The following NEURL1 variants were observed in gnomAD, a reference collection of about 807,000 sequenced individuals.
The protein encoded by NEURL1 is neuralized E3 ubiquitin protein ligase 1, also known as E3 ubiquitin-protein ligase NEURL1.
NEURL1 carries 26 observed loss-of-function variants against 41.2 expected under a neutral mutation model. That is an observed-to-expected ratio of 0.63 (90% CI 0.46 to 0.87). The LOEUF (loss-of-function observed/expected upper bound fraction) is 0.87, where lower values mean the gene tolerates loss of function less well. NEURL1 is among the 40% of genes least tolerant of loss of function. The pLI, the probability that NEURL1 is intolerant of heterozygous loss-of-function variation, is 0.00. For missense variants in NEURL1, 761 were observed against 871.1 expected (o/e 0.87, Z 1.59); for synonymous variants, 400 against 402.3 (o/e 0.99, Z 0.07).
At chr10:103,561,495 C>T (rs2035291733) in intron 1 of NEURL1, among the ~76,000 whole-genome samples, 1 of 152,170 alleles carries the variant, frequency 6.6e-6, no homozygotes, top group African/African-American at 2.4e-5. Context: ...ATCTCCTGAC[C>T]TCAGGTGATC....
intron 1 of NEURL1, among the ~76,000 whole-genome samples, chr10:103,525,605 C>T (rs966220466): frequency 6.6e-6 from 1 of 152,092 alleles, no homozygotes; most frequent in African/African-American, 2.4e-5. Flanking sequence ...CCACCAGCCT[C>T]CTCCTCCCAA....
At chr10:103,523,236 C>T (rs1025213508) in intron 1 of NEURL1, among the ~76,000 whole-genome samples, 1 of 152,010 alleles carries the variant, frequency 6.6e-6, no homozygotes, top group Admixed American at 6.6e-5. Context: ...AGGAGGATCG[C>T]TTGAGGCTAG....
intron 1 of NEURL1, among the ~76,000 whole-genome samples, chr10:103,525,632 G>A (rs560521074): frequency 6.6e-6 from 1 of 152,164 alleles, no homozygotes; most frequent in Non-Finnish European, 1.5e-5. Flanking sequence ...GGGATTACAG[G>A]TGTGAGCCAT....
chr10:103,562,291 G>A (rs1316126588), intron 1 of NEURL1, among the ~76,000 whole-genome samples: 2 of 152,196 alleles, frequency 1.3e-5, no homozygotes, highest in African/African-American at 4.8e-5. Context: ...GCCGAGGCAG[G>A]AGAATCACTT....
intron 1 of NEURL1, among the ~76,000 whole-genome samples, chr10:103,561,613 G>A (rs796401825): frequency 4.3e-4 from 65 of 152,284 alleles, no homozygotes; most frequent in African/African-American, 1.4e-3. Context: ...CCCAACCCAC[G>A]CTTAAGGGGA....
intron 1 of NEURL1, among the ~76,000 whole-genome samples, chr10:103,505,287 G>C (rs1248526709): frequency 2.7e-5 from 4 of 150,116 alleles, no homozygotes; most frequent in African/African-American, 9.8e-5. Context: ...GCACTGGTGC[G>C]ATCTCAGCTC....
intron 1 of NEURL1, among the ~76,000 whole-genome samples, chr10:103,498,309 G>C (rs1339979264): frequency 6.6e-6 from 1 of 152,148 alleles, no homozygotes; most frequent in Admixed American, 6.5e-5. Flanking sequence ...CTCACTGCAA[G>C]CTCCGCCTCC....
intron 1 of NEURL1, among the ~76,000 whole-genome samples, chr10:103,557,731 G>A (rs2035186854): frequency 6.6e-6 from 1 of 152,202 alleles, no homozygotes; most frequent in Non-Finnish European, 1.5e-5. Context: ...CGCCCTAGCT[G>A]CCCCAGCGGC....
chr10:103,566,982 C>CTT lies in NEURL1; in HGVS notation c.86-3877_86-3876dup, dbSNP rs796658971. The stretch of plus-strand genomic sequence containing the variant: ...GAAACTTTGTTTCTTTTCTTTCTTT[C>CTT]TTTTTTTTTTTTTTGTTTGAGACAG... On this transcript the variant is annotated intron_variant, in intron 1 of 5. Transcript: ENST00000369780. This position sits in a 1 kb window ranked among gnomAD's most constrained non-coding sequence, Gnocchi z 4.2. Among the ~76,000 whole-genome samples the CTT allele has an allele frequency of 2.1e-5, 3 of 142,496 alleles. No homozygotes were observed. Among genetic ancestry groups the CTT allele is most frequent in the South Asian group, 2.3e-4 (1 of 4,442 alleles). The allele number at this position is 142,496 out of a possible 152,430, so 93.5% of individuals were successfully genotyped here.
chr10:103,531,750 C>A (rs901467603), intron 1 of NEURL1, among the ~76,000 whole-genome samples: 4 of 151,986 alleles, frequency 2.6e-5, no homozygotes, highest in African/African-American at 9.7e-5. Flanking sequence ...GAACTTCTGG[C>A]CTCAAATAAC....
chr10:103,547,043 A>G (rs980210315), intron 1 of NEURL1, among the ~76,000 whole-genome samples: 4 of 152,210 alleles, frequency 2.6e-5, no homozygotes, highest in African/African-American at 9.6e-5. Context: ...AGCGCTTCCC[A>G]TGCACCCCAC....
chr10:103,503,536 C>T (rs3014208), intron 1 of NEURL1, among the ~76,000 whole-genome samples: 1 of 151,852 alleles, frequency 6.6e-6, no homozygotes, highest in Non-Finnish European at 1.5e-5. Flanking sequence ...CTGATGGGGA[C>T]GGTAAGAGGT....
chr10:103,584,705 C>A lies in NEURL1; in HGVS notation c.819C>A (p.Ile273=). The change falls in exon 4 of 6, where the codon ATC becomes ATA. Residue 273 remains isoleucine (I), a synonymous_variant. Transcript: ENST00000369780. The stretch of plus-strand genomic sequence containing the variant: ...CCGCGCCGGCCGCCGGCTGCCCCAT[C>A]CCGCAGAACTCACTCAACTCGCAGC... The part of the protein sequence containing the change: ...DEAAPAAGCP[I]PQNSLNSQHS... The A allele has an allele frequency of 6.9e-7, 1 of 1,455,460 alleles. No individual in the cohort carries two copies. Among genetic ancestry groups the A allele is most frequent in the Non-Finnish European group, 9.0e-7 (1 of 1,109,460 alleles). The allele number at this position is 1,455,460 out of a possible 1,614,324, so 90.2% of individuals were successfully genotyped here.
chr10:103,584,876 G>T lies in NEURL1; in HGVS notation c.990G>T (p.Arg330=), dbSNP rs1288270866. The T allele has an allele frequency of 1.4e-6, 2 of 1,424,870 alleles. No individual in the cohort carries two copies. Among genetic ancestry groups the T allele is most frequent in the East Asian group, 3.0e-5 (1 of 33,230 alleles). 88.3% of individuals were successfully genotyped at this position (1,424,870 alleles called of 1,614,324 possible). A position where few individuals can be genotyped will look rare whatever the true frequency, so the allele number is the denominator to read the frequency against. ...RDERALVFTS[R]PVRVAETIFV... is the part of the protein sequence containing the mutation. ...AGCGCGCGCTCGTCTTCACCAGCCG[G>T]CCCGTGCGCGTGGCCGAGACCATCT... Residue 330 remains arginine (R), a synonymous_variant, in exon 4 of 6, where the codon CGG becomes CGT. Coordinates refer to ENST00000369780, the MANE Select transcript of NEURL1 (RefSeq NM_004210.5).
Position 103,505,470 on chromosome 10 carries a change from C to T in NEURL1, c.85+10998C>T, listed in dbSNP as rs1409755468. ...GAACTCCTGACCTCAGGTGATCTGTCCACCTTGGCCTCCCAAAATGTTGGT... is the reference window on the plus strand; with the variant it reads ...GAACTCCTGACCTCAGGTGATCTGTTCACCTTGGCCTCCCAAAATGTTGGT... On this transcript the variant is annotated intron_variant, in intron 1 of 5. Transcript: ENST00000369780. Among the ~76,000 whole-genome samples the T allele has an allele frequency of 2.6e-5, 4 of 152,176 alleles. No individual in the cohort carries two copies. The East Asian group carries it at 7.7e-4, about 29-fold the overall frequency.
chr10:103,528,521 C>T (rs184214896), intron 1 of NEURL1, among the ~76,000 whole-genome samples: 5 of 142,630 alleles, frequency 3.5e-5, no homozygotes, highest in Admixed American at 7.2e-5. Context: ...GGCAATAGAG[C>T]GTGACTCCGT....
In NEURL1 at chr10:103,583,920, A is replaced by G. The variant is rs74320989; in HGVS notation, c.650-616A>G. 1.2e-4 allele frequency among the ~76,000 whole-genome samples: 19 copies of G among 152,160 alleles called. No individual in the cohort carries two copies. In the East Asian group the frequency reaches 3.7e-3, roughly 29 times the overall value. On this transcript the variant is annotated intron_variant, in intron 3 of 5. Coordinates refer to ENST00000369780, the MANE Select transcript of NEURL1 (RefSeq NM_004210.5). Reference sequence around the variant, plus strand: ...AACTTGTATGATTTAAAAAAGAACGATGAGTTTGATTCCCTGTTAAGCCAC... The same window carrying G: ...AACTTGTATGATTTAAAAAAGAACGGTGAGTTTGATTCCCTGTTAAGCCAC...
At chr10:103,494,599 C>G in intron 1 of NEURL1, 127 bp downstream of exon 1, 1 of 832,048 alleles carries the variant, frequency 1.2e-6, no homozygotes. Context: ...GCACCTCTGG[C>G]CGTGGAGTGG....
At position 103,537,402 on chromosome 10, in the gene NEURL1, C is replaced by CT. The variant is rs542412908; in HGVS notation, c.86-33468dup. 2.7e-3 allele frequency among the ~76,000 whole-genome samples: 411 copies of CT among 152,164 alleles called. 8 individuals are homozygous for CT. The highest frequency in any genetic ancestry group is 8.3e-4 in the South Asian group (4 of 4,816). On this transcript the variant is annotated intron_variant, in intron 1 of 5. Coordinates refer to ENST00000369780, the MANE Select transcript of NEURL1 (RefSeq NM_004210.5). ...TCCCCCTACTCCCTCCTCTCGCACT[C>CT]TTATATATATTTTTTGAGACAGGGT... is the stretch of plus-strand genomic sequence containing the variant.
Sources: allele counts gnomAD v4.1 joint callset (sites outside exome capture counted in the v4.1 genomes callset), GRCh38; gene constraint gnomAD v4.1.1; non-coding constraint Gnocchi (gnomAD v3.1); transcripts MANE v1.5; gene names NCBI Gene and HGNC (gene_info 2026-07-23, HGNC 2026-07-21).